SCHIP1: variants seen among roughly 807,000 people sequenced by gnomAD.
The protein encoded by SCHIP1 is schwannomin interacting protein 1, also known as schwannomin-interacting protein 1.
SCHIP1 carries 8 observed loss-of-function variants against 29.7 expected under a neutral mutation model. That is an observed-to-expected ratio of 0.27 (90% CI 0.16 to 0.49). The LOEUF (loss-of-function observed/expected upper bound fraction) is 0.49. Ranked by LOEUF, SCHIP1 falls within the 20% of genes least tolerant of loss-of-function variation. The pLI, the probability that SCHIP1 is intolerant of heterozygous loss-of-function variation, is 0.99. For missense variants in SCHIP1, 193 were observed against 294.6 expected (o/e 0.66, Z 2.52); for synonymous variants, 76 against 94.9 (o/e 0.80, Z 1.16).
At chr3:159,465,335 G>A in the SCHIP1 span, among the ~76,000 whole-genome samples, 7 of 151,390 alleles carry the variant, frequency 4.6e-5, no homozygotes, top group South Asian at 6.2e-4. Flanking sequence ...GTGTGTGTGT[G>A]TGTGTTTGTG....
chr3:159,568,755 T>C, the SCHIP1 span, among the ~76,000 whole-genome samples: 2 of 152,112 alleles, frequency 1.3e-5, no homozygotes, highest in Admixed American at 1.3e-4. Context: ...AATTATGTTG[T>C]TGTAATTTTC....
At chr3:159,632,952 T>C in the SCHIP1 span, among the ~76,000 whole-genome samples, 1 of 152,190 alleles carries the variant, frequency 6.6e-6, no homozygotes, top group African/African-American at 2.4e-5. Flanking sequence ...CTTCTAGGGT[T>C]GTATCAGAAG....
At chr3:159,880,480 C>G (rs758746828) in intron 2 of SCHIP1, among the ~76,000 whole-genome samples, 8 of 152,172 alleles carry the variant, frequency 5.3e-5, no homozygotes, top group Non-Finnish European at 1.0e-4. Flanking sequence ...ACTTAATGAT[C>G]CAAGCACTTG....
chr3:159,794,547 C>T, the SCHIP1 span, among the ~76,000 whole-genome samples: 1 of 152,142 alleles, frequency 6.6e-6, no homozygotes, highest in Non-Finnish European at 1.5e-5. Flanking sequence ...GTTAGACCCC[C>T]CTACATACAA....
chr3:159,397,442 C>A, the SCHIP1 span, among the ~76,000 whole-genome samples: 1 of 152,078 alleles, frequency 6.6e-6, no homozygotes, highest in African/African-American at 2.4e-5. Context: ...TTTTCCCCAT[C>A]TTTGTGGTTT....
chr3:159,321,800 T>C, the SCHIP1 span, among the ~76,000 whole-genome samples: 2 of 152,122 alleles, frequency 1.3e-5, no homozygotes, highest in African/African-American at 2.4e-5. Flanking sequence ...GGAACATCTT[T>C]AACGTTTTCT....
the SCHIP1 span, among the ~76,000 whole-genome samples, chr3:159,631,945 A>T: frequency 6.6e-6 from 1 of 152,068 alleles, no homozygotes; most frequent in Non-Finnish European, 1.5e-5. Context: ...TTCTCCACTT[A>T]TTTGTATTCT....
chr3:159,845,502 T>G (rs948705474), intron 1 of SCHIP1: 14 of 151,684 alleles, frequency 9.2e-5, no homozygotes, highest in African/African-American at 3.4e-4. Flanking sequence ...CACCTTAGCC[T>G]CCTGAGTAGC....
At chr3:159,890,676 T>G (rs1305050842) in intron 5 of SCHIP1, among the ~76,000 whole-genome samples, 1 of 152,198 alleles carries the variant, frequency 6.6e-6, no homozygotes, top group African/African-American at 2.4e-5. Flanking sequence ...TTCTGATATT[T>G]TACCACTAAA....
At chr3:159,530,672 C>T in the SCHIP1 span, among the ~76,000 whole-genome samples, 5 of 152,222 alleles carry the variant, frequency 3.3e-5, no homozygotes, top group South Asian at 2.1e-4. Flanking sequence ...ATAAGAGTAA[C>T]GAGTTGGCAG....
intron 1 of SCHIP1, among the ~76,000 whole-genome samples, chr3:159,859,378 T>C (rs1430284641): frequency 2.0e-5 from 3 of 152,232 alleles, no homozygotes; most frequent in African/African-American, 7.2e-5. Flanking sequence ...TTCTGGTTCA[T>C]AATGTTTAAG....
the SCHIP1 span, among the ~76,000 whole-genome samples, chr3:159,299,176 A>C: frequency 6.6e-6 from 1 of 152,222 alleles, no homozygotes; most frequent in African/African-American, 2.4e-5. Flanking sequence ...GATTTTACAA[A>C]CAAGATTATT....
At chr3:159,373,166 T>G in the SCHIP1 span, among the ~76,000 whole-genome samples, 4 of 151,910 alleles carry the variant, frequency 2.6e-5, no homozygotes, top group Non-Finnish European at 5.9e-5. Context: ...TATTTGAATT[T>G]GCATATGAAT....
the SCHIP1 span, among the ~76,000 whole-genome samples, chr3:159,639,079 T>G: frequency 3.9e-5 from 6 of 152,282 alleles, no homozygotes; most frequent in African/African-American, 1.4e-4. Context: ...ATATTTAAAT[T>G]TCTTAAAATC....
At chr3:159,504,671 C>T in the SCHIP1 span, among the ~76,000 whole-genome samples, 2 of 152,186 alleles carry the variant, frequency 1.3e-5, no homozygotes, top group Non-Finnish European at 2.9e-5. Context: ...CCCCTCCTCG[C>T]AAACTGCCTG....
At chr3:159,760,710 G>T in the SCHIP1 span, among the ~76,000 whole-genome samples, 1 of 152,156 alleles carries the variant, frequency 6.6e-6, no homozygotes, top group Admixed American at 6.5e-5. Flanking sequence ...CACACTAGAA[G>T]CCCTGACCCA....
the SCHIP1 span, among the ~76,000 whole-genome samples, chr3:159,828,425 ATATACG>A: frequency 1.9e-5 from 2 of 105,048 alleles, no homozygotes; most frequent in Non-Finnish European, 4.1e-5. Flanking sequence ...ATACGTATAT[ATATACG>A]TATATATACG....
chr3:159,864,307 A>T (rs778490365), intron 1 of SCHIP1, among the ~76,000 whole-genome samples: 3 of 152,140 alleles, frequency 2.0e-5, no homozygotes, highest in Non-Finnish European at 2.9e-5. Flanking sequence ...TGGTTAGTGA[A>T]ATAAAAGGCA....
chr3:159,509,215 T>TTA, the SCHIP1 span, among the ~76,000 whole-genome samples: 1 of 152,228 alleles, frequency 6.6e-6, no homozygotes, highest in Non-Finnish European at 1.5e-5. Context: ...CCCTTTACCA[T>TTA]TATGTAATGG....
Sources: allele counts gnomAD v4.1 joint callset (sites outside exome capture counted in the v4.1 genomes callset), GRCh38; gene constraint gnomAD v4.1.1; transcripts MANE v1.5; gene names NCBI Gene and HGNC (gene_info 2026-07-23, HGNC 2026-07-21).